The following HECW1 variants were observed in gnomAD, a reference collection of about 807,000 sequenced individuals.
The protein encoded by HECW1 is HECT, C2 and WW domain containing E3 ubiquitin protein ligase 1, also known as E3 ubiquitin-protein ligase HECW1.
Under a neutral mutation model 182.3 loss-of-function variants are expected in HECW1, and 61 were observed. The ratio of observed to expected loss-of-function variants is 0.33; its 90% CI spans 0.27 to 0.41. The LOEUF is 0.41. Among genes scored for constraint, HECW1 ranks in the 10% least tolerant of loss-of-function variants. HECW1 has a pLI of 1.00. For synonymous variants in HECW1, 859 were observed against 832.6 expected, an observed-to-expected ratio of 1.03 and a Z score of -0.55; for missense variants, 1,739 against 2,108.9, an observed-to-expected ratio of 0.82 and a Z score of 3.44.
At chr7:43,273,802 G>A (rs1222217540) in intron 3 of HECW1, among the ~76,000 whole-genome samples, 2 of 151,444 alleles carry the variant, frequency 1.3e-5, no homozygotes, top group East Asian at 1.9e-4. Flanking sequence ...TTACAACAAC[G>A]GTGGATAATT....
At chr7:43,434,032 TC>T (rs1457821969) in intron 8 of HECW1, among the ~76,000 whole-genome samples, 3 of 151,346 alleles carry the variant, frequency 2.0e-5, no homozygotes, top group Non-Finnish European at 4.4e-5. Context: ...CAACAATACA[TC>T]CTTTTTTTTA....
chr7:43,415,727 T>C (rs1413765105), intron 8 of HECW1, among the ~76,000 whole-genome samples: 5 of 143,244 alleles, frequency 3.5e-5, no homozygotes, highest in Non-Finnish European at 7.6e-5. Context: ...TTTGCTCATT[T>C]CTTTTTATTC....
intron 5 of HECW1, among the ~76,000 whole-genome samples, chr7:43,325,865 C>A (rs1810704261): frequency 6.6e-6 from 1 of 152,196 alleles, no homozygotes; most frequent in Non-Finnish European, 1.5e-5. Flanking sequence ...GTGGTCTCAT[C>A]ATTCCCTGCA....
chr7:43,295,445 T>A (rs887524080), intron 3 of HECW1, among the ~76,000 whole-genome samples: 3 of 152,192 alleles, frequency 2.0e-5, no homozygotes, highest in African/African-American at 7.2e-5. Flanking sequence ...TTCCTTTCAC[T>A]CTCCCAATCT....
chr7:43,207,195 T>C (rs1014377606), intron 2 of HECW1, among the ~76,000 whole-genome samples: 2 of 152,120 alleles, frequency 1.3e-5, no homozygotes, highest in African/African-American at 4.8e-5. Flanking sequence ...TACAGGTGCA[T>C]GCCACCATGC....
At chr7:43,422,368 G>GTTT (rs56093938) in intron 8 of HECW1, among the ~76,000 whole-genome samples, 1 of 126,628 alleles carries the variant, frequency 7.9e-6, no homozygotes. Context: ...GGTTGTTGTT[G>GTTT]TTTTTTTTTT....
intron 2 of HECW1, among the ~76,000 whole-genome samples, chr7:43,229,219 A>C (rs1797681656): frequency 6.6e-6 from 1 of 152,192 alleles, no homozygotes; most frequent in South Asian, 2.1e-4. Context: ...ACCAAATAGG[A>C]GTTCATTTTT....
intron 3 of HECW1, among the ~76,000 whole-genome samples, chr7:43,262,915 A>G (rs375791162): frequency 3.9e-5 from 6 of 152,168 alleles, no homozygotes; most frequent in African/African-American, 1.2e-4. Context: ...ATCTGAGTAC[A>G]AGGAGGTCGC....
At chr7:43,143,359 C>G (rs371497592) in intron 2 of HECW1, among the ~76,000 whole-genome samples, 1 of 152,168 alleles carries the variant, frequency 6.6e-6, no homozygotes, top group African/African-American at 2.4e-5. Flanking sequence ...TCACAGCTAA[C>G]TGCAGCCTCA....
rs1554379420 is a variant in HECW1, at chr7:43,362,151, A to AG, written c.555+1171_555+1172insG. On this transcript the variant is annotated intron_variant, in intron 6 of 29. Transcript: ENST00000395891. ...CGTCTCAAAAAAAAAAAAAAAAAAA[A>AG]AGAGAGAGAGAGAAAGTATTTGACA... 5.4e-3 allele frequency among the ~76,000 whole-genome samples: 778 copies of AG among 144,256 alleles called. 8 individuals carry two copies. The highest frequency in any genetic ancestry group is 0.02 in the African/African-American group (756 of 37,568). 94.6% of individuals were successfully genotyped at this position (144,256 alleles called of 152,430 possible).
intron 2 of HECW1, among the ~76,000 whole-genome samples, chr7:43,179,099 C>T (rs1439178152): frequency 1.3e-5 from 2 of 152,214 alleles, no homozygotes; most frequent in Non-Finnish European, 2.9e-5. Context: ...TAATTCATCT[C>T]CTTTCCTCCG....
chr7:43,172,838 C>T (rs1296414319), intron 2 of HECW1, among the ~76,000 whole-genome samples: 2 of 152,164 alleles, frequency 1.3e-5, no homozygotes, highest in Non-Finnish European at 2.9e-5. Context: ...ATGAAGGACT[C>T]GTGTGTAGGA....
At chr7:43,127,273 C>G (rs1360394653) in intron 2 of HECW1, among the ~76,000 whole-genome samples, 1 of 152,078 alleles carries the variant, frequency 6.6e-6, no homozygotes, top group East Asian at 1.9e-4. Context: ...CCTGTAATCC[C>G]AGCACTTTGG....
chr7:43,280,793 A>G (rs1803794056), intron 3 of HECW1, among the ~76,000 whole-genome samples: 1 of 152,170 alleles, frequency 6.6e-6, no homozygotes, highest in Non-Finnish European at 1.5e-5. Context: ...ACTTGAAGAA[A>G]AGAACCCCAG....
Position 43,444,428 on chromosome 7 carries a change from C to T in HECW1, c.1256C>T (p.Ala419Val). Residue 419 changes from alanine (A) to valine (V), a missense_variant, in exon 11 of 30, where the codon GCA becomes GTA. Physicochemically the swap from Ala to Val is moderately conservative, Grantham distance 64. This residue lies in a region of HECW1 where 971 missense variants were observed against 1,029.1 expected (regional missense o/e 0.94). Coordinates refer to ENST00000395891, the MANE Select transcript of HECW1 (RefSeq NM_015052.5). This position sits in a 1 kb window ranked among gnomAD's most constrained non-coding sequence, Gnocchi z 4.3. ...SIELSRPAEE[A>V]AVITEAGDQG... Reference sequence around the variant, plus strand: ...GAGCTTTCCAGACCAGCTGAGGAAGCAGCAGTCATCACGGAGGCAGGAGAC... The same window carrying T: ...GAGCTTTCCAGACCAGCTGAGGAAGTAGCAGTCATCACGGAGGCAGGAGAC... 1 of 1,613,972 alleles carries T rather than the reference C, an allele frequency of 6.2e-7. No homozygotes were observed. Among genetic ancestry groups the T allele is most frequent in the Non-Finnish European group, 8.5e-7 (1 of 1,179,958 alleles).
intron 8 of HECW1, among the ~76,000 whole-genome samples, chr7:43,436,407 T>G (rs905069917): frequency 6.6e-6 from 1 of 152,170 alleles, no homozygotes; most frequent in African/African-American, 2.4e-5. Context: ...ACAGGCTTTG[T>G]CTGAGCAATA....
At chr7:43,174,916 A>T (rs866139940) in intron 2 of HECW1, among the ~76,000 whole-genome samples, 3 of 152,152 alleles carry the variant, frequency 2.0e-5, no homozygotes, top group African/African-American at 7.2e-5. Context: ...TGTTCTATTT[A>T]AAATTTTATT....
At chr7:43,466,809 G>T (rs2077799522) in intron 15 of HECW1, among the ~76,000 whole-genome samples, 1 of 152,160 alleles carries the variant, frequency 6.6e-6, no homozygotes, top group Non-Finnish European at 1.5e-5. Context: ...TAATGTCAGT[G>T]AAAGTGCTTT....
chr7:43,488,293 G>A (rs1205735398), intron 17 of HECW1, among the ~76,000 whole-genome samples: 2 of 144,836 alleles, frequency 1.4e-5, no homozygotes, highest in African/African-American at 5.1e-5. Flanking sequence ...CTAGGCAACA[G>A]GGTGAGACTC....
Sources: gnomAD v4.1 joint callset for allele counts (sites outside exome capture counted in the v4.1 genomes callset) on GRCh38, gnomAD v4.1.1 for gene constraint, gnomAD v4.1.1 regional missense constraint, Gnocchi (gnomAD v3.1) non-coding constraint, MANE v1.5 for transcripts, NCBI Gene and HGNC (gene_info 2026-07-23, HGNC 2026-07-21) for gene names.